LRWD1: variants seen among roughly 807,000 people sequenced by gnomAD.
LRWD1 encodes the protein leucine rich repeats and WD repeat domain containing 1.
In LRWD1, 76 loss-of-function variants were observed where a neutral mutation model predicts 75.6. The ratio of observed to expected loss-of-function variants is 1.01; its 90% CI spans 0.84 to 1.22. LRWD1 has a LOEUF of 1.22. Among genes scored for constraint, LRWD1 ranks in the 50% most tolerant of loss-of-function variants. The pLI is 0.00. For missense variants in LRWD1, 917 were observed against 862.0 expected (o/e 1.06, Z -0.80); for synonymous variants, 487 against 377.0 (o/e 1.29, Z -3.38).
In LRWD1 at chr7:102,467,497, T is replaced by C. The variant is rs750525797; in HGVS notation, c.573+18T>C. ...AGTGGCGGGTATGTCCCTGTCCCAA[T>C]GTGCAGGGAGTCACTGGCTCTCGTA... On this transcript the variant is annotated intron_variant, in intron 4 of 14. Coordinates refer to ENST00000292616, the MANE Select transcript of LRWD1 (RefSeq NM_152892.3). 2.5e-6 allele frequency: 4 copies of C among 1,610,856 alleles called. No individual in the cohort carries two copies. The highest frequency in any genetic ancestry group is 3.3e-5 in the Admixed American group (2 of 59,936).
Position 102,469,025 on chromosome 7 carries a change from C to T in LRWD1, c.1191C>T (p.Thr397=), listed in dbSNP as rs1359342502. The change falls in exon 9 of 15, where the codon ACC becomes ACT. Residue 397 remains threonine (T), a synonymous_variant. Transcript: ENST00000292616. ...GAGCCCACAAGAAGGCCATCGCCAC[C>T]CTGTGCTTCAGCCCCGCCCACGAGA... The part of the protein sequence containing the change: ...VIRAHKKAIA[T]LCFSPAHETH... 7.4e-6 allele frequency: 12 copies of T among 1,611,868 alleles called. No individual in the cohort carries two copies. Among genetic ancestry groups the T allele is most frequent in the Non-Finnish European group, 1.0e-5 (12 of 1,179,492 alleles).
In LRWD1 at chr7:102,473,013, G is replaced by A. The variant is rs138157120; in HGVS notation, c.1908G>A (p.Thr636=). The change falls in exon 15 of 15, where the codon ACG becomes ACA. Residue 636 remains threonine, a synonymous_variant. Coordinates refer to ENST00000292616, the MANE Select transcript of LRWD1 (RefSeq NM_152892.3). ...CCTTCACCTACCTCACCGCCCTGAC[G>A]GACTCCAACATCGTAGCCATCTGGG... ...NASFTYLTAL[T]DSNIVAIWGR... The A allele has an allele frequency of 7.7e-5, 124 of 1,614,012 alleles. No individual in the cohort carries two copies. Among genetic ancestry groups the A allele is most frequent in the Non-Finnish European group, 9.2e-5 (109 of 1,179,960 alleles).
intron 11 of LRWD1, chr7:102,471,735 C>T (rs1157007059): frequency 5.3e-6 from 1 of 188,800 alleles, no homozygotes. Flanking sequence ...CAGCCATTCC[C>T]TCATTCCCCC....
chr7:102,466,821 C>T (rs1019942043), intron 3 of LRWD1, among the ~76,000 whole-genome samples: 3 of 122,458 alleles, frequency 2.4e-5, no homozygotes, highest in Non-Finnish European at 4.8e-5. Context: ...CGCTCTGCTG[C>T]CCATGTTGAA....
chr7:102,469,467 C>G lies in LRWD1; in HGVS notation c.1229-107C>G, dbSNP rs1016532978. 3.2e-5 allele frequency: 42 copies of G among 1,321,518 alleles called. No homozygotes were observed. In the African/African-American group the frequency reaches 6.1e-4, roughly 19 times the overall value. 81.9% of individuals were successfully genotyped at this position (1,321,518 alleles called of 1,614,324 possible). On this transcript the variant is annotated intron_variant, in intron 9 of 14. Coordinates refer to ENST00000292616, the MANE Select transcript of LRWD1 (RefSeq NM_152892.3). Reference sequence around the variant, plus strand: ...CCTAGCCTCGGCCCGCCCTCCCCGCCTCGGAGGGGCTGGCCTTGGGACCGT... The same window carrying G: ...CCTAGCCTCGGCCCGCCCTCCCCGCGTCGGAGGGGCTGGCCTTGGGACCGT...
chr7:102,467,118 G>GGTGTGT (rs60020010), intron 3 of LRWD1, among the ~76,000 whole-genome samples: 4,996 of 114,242 alleles, frequency 0.044, 699 homozygotes, highest in East Asian at 0.36. Flanking sequence ...TTGTTGCTGG[G>GGTGTGT]GTGTGTGTGT....
chr7:102,465,422 C>T (rs1053154971), intron 1 of LRWD1: 5 of 422,546 alleles, frequency 1.2e-5, no homozygotes, highest in South Asian at 4.9e-5. Context: ...ACAGACGAGC[C>T]CCCGAAGGAT....
rs542708497 is a variant in LRWD1, at chr7:102,467,367, C to T, written c.461C>T (p.Ala154Val). 16 of 1,612,202 alleles carry T rather than the reference C, an allele frequency of 9.9e-6. No individual in the cohort carries two copies. Among genetic ancestry groups the T allele is most frequent in the Non-Finnish European group, 1.4e-5 (16 of 1,179,266 alleles). Residue 154 changes from alanine (A) to valine (V), a missense_variant, in exon 4 of 15, where the codon GCC (alanine) becomes GTC (valine). Ala to Val is a moderately conservative substitution (Grantham distance 64). Transcript: ENST00000292616. ...ACAGCTCACTGGGAGAAGTTCATGG[C>T]CACACTGGGTCCTGAAGAGGAGGCT... ...RVTAHWEKFM[A>V]TLGPEEEAEK...
chr7:102,465,130 G>A lies in LRWD1; in HGVS notation c.50G>A (p.Ser17Asn). 1 of 1,520,192 alleles carries A rather than the reference G, an allele frequency of 6.6e-7. No homozygotes were observed. The allele number at this position is 1,520,192 out of a possible 1,614,324, so 94.2% of individuals were successfully genotyped here. The change falls in exon 1 of 15, where the codon AGC (serine) becomes AAC (asparagine). Residue 17 changes from serine to asparagine, a missense_variant. Physicochemically the swap from Ser to Asn is conservative, Grantham distance 46 (BLOSUM62 1). Coordinates refer to ENST00000292616, the MANE Select transcript of LRWD1 (RefSeq NM_152892.3). Reference protein sequence around the residue: ...RLLMQRGRPKSDRLGKIRSLD... With the variant: ...RLLMQRGRPKNDRLGKIRSLD... ...CTAATGCAGCGCGGGCGCCCCAAGAGCGACCGGCTGGGGAAGATCCGGAGT... is the reference window on the plus strand; with the variant it reads ...CTAATGCAGCGCGGGCGCCCCAAGAACGACCGGCTGGGGAAGATCCGGAGT...
At position 102,467,234 on chromosome 7, in the gene LRWD1, C is replaced by T. The variant is rs1456942381; in HGVS notation, c.433-105C>T. On this transcript the variant is annotated intron_variant, in intron 3 of 14. Coordinates refer to ENST00000292616, the MANE Select transcript of LRWD1 (RefSeq NM_152892.3). ...TGTGTGTTTTATGAGGCTGTGATTC[C>T]AGGAGGCTTCCAGCAGGTGGCGGGA... is the stretch of plus-strand genomic sequence containing the variant. 1.6e-5 allele frequency: 17 copies of T among 1,072,486 alleles called. 1 individual carries two copies. The highest frequency in any genetic ancestry group is 1.5e-4 in the South Asian group (10 of 68,676). 66.4% of individuals were successfully genotyped at this position (1,072,486 alleles called of 1,614,324 possible). A position where few individuals can be genotyped will look rare whatever the true frequency, so the allele number is the denominator to read the frequency against.
chr7:102,472,687 G>C lies in LRWD1; in HGVS notation c.1691-5G>C. Reference sequence around the variant, plus strand: ...CCCACTCAGACTCCACCTCTGTCCCGGCAGATAAGGGGATTGTGCTCTGTG... The same window carrying C: ...CCCACTCAGACTCCACCTCTGTCCCCGCAGATAAGGGGATTGTGCTCTGTG... On this transcript the variant is annotated splice_region_variant and splice_polypyrimidine_tract_variant and intron_variant, in intron 13 of 14. Coordinates refer to ENST00000292616, the MANE Select transcript of LRWD1 (RefSeq NM_152892.3). The C allele has an allele frequency of 1.2e-6, 2 of 1,613,416 alleles. No homozygotes were observed. The highest frequency in any genetic ancestry group is 1.7e-6 in the Non-Finnish European group (2 of 1,179,934).
At chr7:102,468,702 C>T in intron 8 of LRWD1, 48 bp downstream of exon 8, 1 of 1,545,656 alleles carries the variant, frequency 6.5e-7, no homozygotes, top group Non-Finnish European at 8.7e-7. Context: ...CCGACTGACT[C>T]CTGAACAGCA....
rs1563653319 is a variant in LRWD1, at chr7:102,466,247, C to T, written c.409C>T (p.Leu137=). 1 of 1,614,048 alleles carries T rather than the reference C, an allele frequency of 6.2e-7. No individual in the cohort carries two copies. Among genetic ancestry groups the T allele is most frequent in the Non-Finnish European group, 8.5e-7 (1 of 1,179,976 alleles). Residue 137 remains leucine (L), a synonymous_variant, in exon 3 of 15, where the codon CTG becomes TTG. Transcript: ENST00000292616. ...ASSTYSQVEN[L]NRELTSRVTA... is the part of the protein sequence containing the mutation. ...CTCAACTTACTCTCAGGTGGAGAAC[C>T]TGAATCGGGAGCTGACCAGCAGGGT...
chr7:102,466,384 C>A, intron 3 of LRWD1, 114 bp downstream of exon 3: 2 of 776,422 alleles, frequency 2.6e-6, no homozygotes, highest in Admixed American at 2.3e-5. Flanking sequence ...GCTCTTTGCC[C>A]CAACAGCCCC....
At position 102,468,647 on chromosome 7, in the gene LRWD1, C is replaced by T. The variant is rs1283612812; in HGVS notation, c.1013C>T (p.Pro338Leu). 1 of 1,564,970 alleles carries T rather than the reference C, an allele frequency of 6.4e-7. No individual in the cohort carries two copies. Among genetic ancestry groups the T allele is most frequent in the Non-Finnish European group, 8.7e-7 (1 of 1,154,830 alleles). ...TGIVLHKYKA[P>L]GEEFFSVAWT... ...ATCGTGCTCCACAAGTACAAGGCAC[C>T]CGGCGAGGTGAGTGCAAGGCCCTGT... Residue 338 changes from proline to leucine, a missense_variant, in exon 8 of 15, where the codon CCC (proline) becomes CTC (leucine). Coordinates refer to ENST00000292616, the MANE Select transcript of LRWD1 (RefSeq NM_152892.3).
At chr7:102,465,514 T>G (rs761213271) in intron 1 of LRWD1, 4,167 of 167,036 alleles carry the variant, frequency 0.025, 708 homozygotes, top group Non-Finnish European at 0.039. Context: ...TTTTTTTTTT[T>G]TTTTTTTTTT....
chr7:102,469,322 C>T (rs560108529), intron 9 of LRWD1, among the ~76,000 whole-genome samples: 173 of 152,346 alleles, frequency 1.1e-3, no homozygotes, highest in African/African-American at 3.8e-3. Flanking sequence ...GATGCCCCTG[C>T]CCCCGGGTGT....
chr7:102,469,941 C>T (rs1798136865), intron 11 of LRWD1, 59 bp downstream of exon 11: 2 of 1,444,640 alleles, frequency 1.4e-6, no homozygotes, highest in Non-Finnish European at 1.8e-6. Flanking sequence ...GGCTGTTGGC[C>T]CAGATGGGCT....
intron 3 of LRWD1, among the ~76,000 whole-genome samples, chr7:102,466,928 A>C (rs1482792715): frequency 6.6e-6 from 1 of 151,434 alleles, no homozygotes; most frequent in Non-Finnish European, 1.5e-5. Flanking sequence ...CTTTAGGCGC[A>C]TGCCACCACG....
Sources: gnomAD v4.1 joint callset for allele counts (sites outside exome capture counted in the v4.1 genomes callset) on GRCh38, gnomAD v4.1.1 for gene constraint, MANE v1.5 for transcripts, NCBI Gene and HGNC (gene_info 2026-07-23, HGNC 2026-07-21) for gene names.